The following HECW2 variants were observed in gnomAD, a reference collection of about 807,000 sequenced individuals.
HECW2 encodes HECT, C2 and WW domain containing E3 ubiquitin protein ligase 2, also known as E3 ubiquitin-protein ligase HECW2.
In HECW2, 61 loss-of-function variants were observed where a neutral mutation model predicts 175.2. The observed-to-expected ratio is 0.35, with a 90% confidence interval of 0.28 to 0.43. The LOEUF (loss-of-function observed/expected upper bound fraction) is 0.43, where lower values mean the gene tolerates loss of function less well. HECW2 is among the 20% of genes least tolerant of loss of function. The pLI is 1.00. For missense variants in HECW2, 1,524 were observed against 2,000.5 expected (o/e 0.76, Z 4.54); for synonymous variants, 671 against 731.0 (o/e 0.92, Z 1.32).
At chr2:196,332,398 G>T (rs1032057096) in intron 4 of HECW2, among the ~76,000 whole-genome samples, 1 of 152,090 alleles carries the variant, frequency 6.6e-6, no homozygotes, top group Non-Finnish European at 1.5e-5. Flanking sequence ...TTTGGACATA[G>T]ACCAAACTGT....
At chr2:196,581,969 G>C (rs1217048108) in intron 1 of HECW2, among the ~76,000 whole-genome samples, 1 of 152,030 alleles carries the variant, frequency 6.6e-6, no homozygotes, top group Non-Finnish European at 1.5e-5. Flanking sequence ...AGGAGGCTGA[G>C]GCAAGAGAAT....
At chr2:196,310,954 T>C (rs1472209886) in intron 10 of HECW2, among the ~76,000 whole-genome samples, 1 of 152,188 alleles carries the variant, frequency 6.6e-6, no homozygotes, top group East Asian at 1.9e-4. Flanking sequence ...TCTAGTATTC[T>C]AGGAATCTAT....
chr2:196,410,606 T>G (rs1695083979), intron 2 of HECW2, among the ~76,000 whole-genome samples: 1 of 152,178 alleles, frequency 6.6e-6, no homozygotes, highest in African/African-American at 2.4e-5. Context: ...CATGAAGTCT[T>G]GGAAATTCAG....
intron 14 of HECW2, among the ~76,000 whole-genome samples, chr2:196,285,534 G>A (rs1425941150): frequency 6.6e-6 from 1 of 152,130 alleles, no homozygotes; most frequent in Non-Finnish European, 1.5e-5. Context: ...TCAAAAAAAG[G>A]CTCATTGTAA....
intron 17 of HECW2, chr2:196,260,391 T>A (rs1317526701): frequency 1.3e-5 from 2 of 152,166 alleles, no homozygotes; most frequent in Non-Finnish European, 2.9e-5. Flanking sequence ...TTTCTTATGT[T>A]GATATTGAGT....
At chr2:196,360,197 A>G (rs552030106) in intron 2 of HECW2, among the ~76,000 whole-genome samples, 88 of 152,358 alleles carry the variant, frequency 5.8e-4, no homozygotes, top group African/African-American at 2.1e-3. Flanking sequence ...ACTTCTGGGT[A>G]TATACCCAAA....
chr2:196,279,275 C>T (rs1033296172), intron 14 of HECW2, among the ~76,000 whole-genome samples: 6 of 152,250 alleles, frequency 3.9e-5, no homozygotes, highest in African/African-American at 1.2e-4. Flanking sequence ...GTCTCAATCT[C>T]CTGACCTCGT....
intron 1 of HECW2, among the ~76,000 whole-genome samples, chr2:196,578,801 C>A (rs1690656130): frequency 6.6e-6 from 1 of 151,896 alleles, no homozygotes; most frequent in South Asian, 2.1e-4. Flanking sequence ...CTCAAATAAG[C>A]AAAACTTGAG....
intron 1 of HECW2, among the ~76,000 whole-genome samples, chr2:196,570,210 A>G (rs958130527): frequency 6.6e-6 from 1 of 152,194 alleles, no homozygotes; most frequent in Non-Finnish European, 1.5e-5. Context: ...AATAAAATGG[A>G]TACACTAGAT....
chr2:196,547,440 T>C (rs547862734), intron 1 of HECW2, among the ~76,000 whole-genome samples: 1 of 152,320 alleles, frequency 6.6e-6, no homozygotes, highest in South Asian at 2.1e-4. Flanking sequence ...AAGGAACACC[T>C]AAAAGGGCAA....
intron 1 of HECW2, among the ~76,000 whole-genome samples, chr2:196,528,987 C>T (rs915820759): frequency 1.3e-5 from 2 of 152,212 alleles, no homozygotes; most frequent in Non-Finnish European, 2.9e-5. Context: ...AGTGATTTGA[C>T]TAATGAGAGC....
intron 1 of HECW2, among the ~76,000 whole-genome samples, chr2:196,577,095 G>A (rs1404885900): frequency 6.6e-6 from 1 of 152,142 alleles, no homozygotes; most frequent in East Asian, 1.9e-4. Flanking sequence ...ATAATGATAG[G>A]CTAGAACTTA....
intron 1 of HECW2, among the ~76,000 whole-genome samples, chr2:196,553,394 T>C (rs1689668233): frequency 6.6e-6 from 1 of 152,196 alleles, no homozygotes. Context: ...ATTCATCAAA[T>C]ATACATGGAG....
chr2:196,361,010 G>T (rs141547301), intron 2 of HECW2, among the ~76,000 whole-genome samples: 1 of 152,086 alleles, frequency 6.6e-6, no homozygotes, highest in East Asian at 1.9e-4. Context: ...ACCCTACATG[G>T]CAATAAAAAT....
chr2:196,521,526 C>T (rs1688386227), intron 1 of HECW2, among the ~76,000 whole-genome samples: 1 of 150,994 alleles, frequency 6.6e-6, no homozygotes, highest in Non-Finnish European at 1.5e-5. Flanking sequence ...TACATGTGCA[C>T]ATTGTGCAGG....
At chr2:196,377,974 T>G (rs554184749) in intron 2 of HECW2, among the ~76,000 whole-genome samples, 1 of 152,382 alleles carries the variant, frequency 6.6e-6, no homozygotes, top group South Asian at 2.1e-4. Context: ...AAAGCATTTC[T>G]GCAATTATTT....
intron 1 of HECW2, among the ~76,000 whole-genome samples, chr2:196,461,600 G>T (rs1036581325): frequency 1.3e-5 from 2 of 152,160 alleles, no homozygotes; most frequent in Non-Finnish European, 2.9e-5. Flanking sequence ...AAAGGAAAGA[G>T]GTTTAATTGA....
intron 18 of HECW2, among the ~76,000 whole-genome samples, chr2:196,254,892 C>A (rs1688992798): frequency 6.6e-6 from 1 of 151,900 alleles, no homozygotes; most frequent in Non-Finnish European, 1.5e-5. Flanking sequence ...CATTTCTATG[C>A]CTTTTCATAA....
chr2:196,521,817 A>C lies in HECW2; in HGVS notation c.-36+71691T>G, dbSNP rs1275189633. Among the ~76,000 whole-genome samples, 3 of 148,770 alleles carry C rather than the reference A, an allele frequency of 2.0e-5. No individual in the cohort carries two copies. The East Asian group carries it at 5.9e-4, about 29-fold the overall frequency. On this transcript the variant is annotated intron_variant, in intron 1 of 28. Transcript: ENST00000644978. ...TCCCTACAAAGGACATGAACTCATC[A>C]TTTTTTATGGCTGCATAGTATTCCA...
Sources: allele counts gnomAD v4.1 joint callset (sites outside exome capture counted in the v4.1 genomes callset), GRCh38; gene constraint gnomAD v4.1.1; transcripts MANE v1.5; gene names NCBI Gene and HGNC (gene_info 2026-07-23, HGNC 2026-07-21).